Variants in ROBO2 observed in about 807,000 individuals in gnomAD.
ROBO2 encodes roundabout guidance receptor 2.
ROBO2 carries 53 observed loss-of-function variants against 160.8 expected under a neutral mutation model. The observed-to-expected ratio is 0.33, with a 90% CI of 0.26 to 0.41. ROBO2 has a LOEUF of 0.41. Ranked by LOEUF, ROBO2 falls within the 10% of genes least tolerant of loss-of-function variation. ROBO2 has a pLI of 1.00. For missense variants in ROBO2, 1,577 were observed against 1,722.4 expected, an observed-to-expected ratio of 0.92 and a Z score of 1.49; for synonymous variants, 664 against 611.7, an observed-to-expected ratio of 1.09 and a Z score of -1.26.
At chr3:76,059,632 T>C (rs948028117) in intron 2 of ROBO2, among the ~76,000 whole-genome samples, 1 of 152,220 alleles carries the variant, frequency 6.6e-6, no homozygotes, top group Non-Finnish European at 1.5e-5. Context: ...TTTCTTTTGC[T>C]GGGCAGAAGC....
At chr3:76,153,340 T>G (rs1484356324) in intron 2 of ROBO2, among the ~76,000 whole-genome samples, 2 of 152,198 alleles carry the variant, frequency 1.3e-5, no homozygotes, top group Non-Finnish European at 2.9e-5. Context: ...CTTGCTCTTT[T>G]CATACCAGCA....
At chr3:76,335,113 C>G (rs2073777210) in intron 2 of ROBO2, among the ~76,000 whole-genome samples, 1 of 150,740 alleles carries the variant, frequency 6.6e-6, no homozygotes, top group African/African-American at 2.4e-5. Context: ...CAAGTACTCT[C>G]AACTCTACCT....
intron 2 of ROBO2, among the ~76,000 whole-genome samples, chr3:76,410,499 A>T (rs1048417684): frequency 6.6e-6 from 1 of 152,118 alleles, no homozygotes; most frequent in Non-Finnish European, 1.5e-5. Context: ...TGTACTTGAC[A>T]ATTTCACAGA....
chr3:77,606,655 A>G (rs1177576056), intron 20 of ROBO2, among the ~76,000 whole-genome samples: 1 of 152,216 alleles, frequency 6.6e-6, no homozygotes, highest in African/African-American at 2.4e-5. Context: ...ATATGTTCCT[A>G]TTAAATTACA....
chr3:76,327,574 T>C (rs1342435733), intron 2 of ROBO2, among the ~76,000 whole-genome samples: 1 of 152,182 alleles, frequency 6.6e-6, no homozygotes, highest in Non-Finnish European at 1.5e-5. Flanking sequence ...CTTTCGTATA[T>C]TAGAAGCAGA....
At chr3:77,220,705 C>A (rs898494247) in intron 2 of ROBO2, among the ~76,000 whole-genome samples, 2 of 152,056 alleles carry the variant, frequency 1.3e-5, no homozygotes, top group African/African-American at 2.4e-5. Context: ...TATAAATAAA[C>A]TTTCATGGTA....
intron 2 of ROBO2, among the ~76,000 whole-genome samples, chr3:76,258,370 A>G (rs1706536363): frequency 6.6e-6 from 1 of 152,018 alleles, no homozygotes; most frequent in South Asian, 2.1e-4. Flanking sequence ...TAACTGTTTT[A>G]AAGAAATTTC....
chr3:77,369,099 G>A (rs1169394099), intron 2 of ROBO2, among the ~76,000 whole-genome samples: 1 of 152,266 alleles, frequency 6.6e-6, no homozygotes, highest in South Asian at 2.1e-4. Context: ...AAGCCAGTTA[G>A]AGCAATGTTG....
At chr3:76,136,914 T>G (rs2071448194) in intron 2 of ROBO2, among the ~76,000 whole-genome samples, 1 of 151,992 alleles carries the variant, frequency 6.6e-6, no homozygotes, top group Non-Finnish European at 1.5e-5. Context: ...AAGTCTGGAA[T>G]GTAGGGGGCG....
intron 1 of ROBO2, among the ~76,000 whole-genome samples, chr3:77,090,515 G>T (rs1343854737): frequency 6.6e-6 from 1 of 151,528 alleles, no homozygotes; most frequent in Admixed American, 6.6e-5. Context: ...ACCACGCCCG[G>T]CTAACTTTTT....
At chr3:76,313,263 C>G (rs2071726511) in intron 2 of ROBO2, among the ~76,000 whole-genome samples, 1 of 152,192 alleles carries the variant, frequency 6.6e-6, no homozygotes, top group South Asian at 2.1e-4. Flanking sequence ...ATTCTGAGTT[C>G]CTGCGATGTA....
chr3:75,958,417 A>G (rs1412535325), intron 2 of ROBO2, among the ~76,000 whole-genome samples: 2 of 151,832 alleles, frequency 1.3e-5, no homozygotes, highest in Non-Finnish European at 2.9e-5. Flanking sequence ...TTAGTGGAGA[A>G]ACAGAAAGTC....
chr3:77,070,713 A>C (rs2067319554), intron 1 of ROBO2, among the ~76,000 whole-genome samples: 1 of 152,180 alleles, frequency 6.6e-6, no homozygotes, highest in Non-Finnish European at 1.5e-5. Flanking sequence ...CCCAGTTAGC[A>C]GTCTGGATTT....
chr3:75,967,712 T>A (rs1949167615), intron 2 of ROBO2, among the ~76,000 whole-genome samples: 1 of 151,554 alleles, frequency 6.6e-6, no homozygotes, highest in Non-Finnish European at 1.5e-5. Context: ...TAATGCATAG[T>A]TACCATGCAT....
intron 2 of ROBO2, among the ~76,000 whole-genome samples, chr3:76,876,562 C>T (rs1303802855): frequency 6.6e-6 from 1 of 151,960 alleles, no homozygotes; most frequent in Non-Finnish European, 1.5e-5. Context: ...TTAATCCCAA[C>T]TACTTGGGAG....
At chr3:77,313,392 C>T (rs758636026) in intron 2 of ROBO2, among the ~76,000 whole-genome samples, 13 of 152,094 alleles carry the variant, frequency 8.5e-5, no homozygotes, top group Non-Finnish European at 1.8e-4. Context: ...TATGGTCCTT[C>T]TAACTATCTG....
chr3:76,067,235 A>G (rs1426423432), intron 2 of ROBO2, among the ~76,000 whole-genome samples: 1 of 152,222 alleles, frequency 6.6e-6, no homozygotes, highest in Non-Finnish European at 1.5e-5. Context: ...AAATGGGGAT[A>G]ATAAAGAATA....
chr3:76,978,417 T>A (rs771733830), intron 2 of ROBO2, among the ~76,000 whole-genome samples: 13 of 152,160 alleles, frequency 8.5e-5, no homozygotes, highest in Non-Finnish European at 1.3e-4. Context: ...GAAGAAAGAA[T>A]ATCAAGAATG....
At chr3:76,717,397 C>G (rs896195110) in intron 2 of ROBO2, among the ~76,000 whole-genome samples, 10 of 150,736 alleles carry the variant, frequency 6.6e-5, no homozygotes, top group African/African-American at 2.4e-4. Context: ...GTGGCTGAGA[C>G]AGAGAATTGC....
Sources: gnomAD v4.1 joint callset for allele counts (sites outside exome capture counted in the v4.1 genomes callset) on GRCh38, gnomAD v4.1.1 for gene constraint, MANE v1.5 for transcripts, NCBI Gene and HGNC (gene_info 2026-07-23, HGNC 2026-07-21) for gene names.